SHISA6: variants seen among roughly 807,000 people sequenced by gnomAD.
The protein encoded by SHISA6 is protein shisa-6.
SHISA6 carries 22 observed loss-of-function variants against 47.9 expected under a neutral mutation model. The observed-to-expected ratio is 0.46, with a 90% confidence interval of 0.33 to 0.66. The LOEUF (loss-of-function observed/expected upper bound fraction) is 0.66. Ranked by LOEUF, SHISA6 falls within the 30% of genes least tolerant of loss-of-function variation. The pLI is 0.02. For missense variants in SHISA6, 680 were observed against 764.6 expected (o/e 0.89, Z 1.30); for synonymous variants, 388 against 337.8 (o/e 1.15, Z -1.63).
chr17:11,500,932 AC>A (rs2071447148), intron 3 of SHISA6, among the ~76,000 whole-genome samples: 1 of 151,994 alleles, frequency 6.6e-6, no homozygotes, highest in Non-Finnish European at 1.5e-5. Context: ...TGCATGTAGG[AC>A]CCCATTCAGT....
intron 2 of SHISA6, 41 bp downstream of exon 2, chr17:11,263,567 G>GGGC (rs1410012447): frequency 6.5e-7 from 1 of 1,549,370 alleles, no homozygotes; most frequent in East Asian, 2.4e-5. Flanking sequence ...GCTGAGGCTG[G>GGGC]TGAGAGGTTT....
rs186736266 is a variant in SHISA6 at position 11,522,122 on chromosome 17, C to T, written c.896-29774C>T. On this transcript the variant is annotated intron_variant, in intron 3 of 5. Transcript: ENST00000441885. ...CTGGGACTACAGGCACCCACCACCA[C>T]GCCCGGCTAATTTTTTGTATTTTTA... Among the ~76,000 whole-genome samples, 178 of 151,840 alleles carry T rather than the reference C, an allele frequency of 1.2e-3. 5 individuals are homozygous for T. Among genetic ancestry groups the T allele is most frequent in the African/African-American group, 3.9e-3 (162 of 41,416 alleles).
chr17:11,546,939 AG>A (rs1300635669), intron 3 of SHISA6, among the ~76,000 whole-genome samples: 2 of 152,172 alleles, frequency 1.3e-5, no homozygotes, highest in Non-Finnish European at 2.9e-5. Flanking sequence ...AAAAAAAAAA[AG>A]AAAAACAAAG....
intron 2 of SHISA6, among the ~76,000 whole-genome samples, chr17:11,362,676 A>T (rs1008315235): frequency 6.6e-6 from 1 of 152,236 alleles, no homozygotes. Flanking sequence ...CATGTGCCAT[A>T]TGAAGGTAAT....
chr17:11,337,199 G>A, intron 2 of SHISA6, among the ~76,000 whole-genome samples: 1 of 152,160 alleles, frequency 6.6e-6, no homozygotes, highest in East Asian at 1.9e-4. Context: ...AGGATCCAGG[G>A]GGCAGAAGTG....
intron 3 of SHISA6, among the ~76,000 whole-genome samples, chr17:11,412,593 G>C (rs1265668902): frequency 2.0e-5 from 3 of 151,420 alleles, no homozygotes; most frequent in Non-Finnish European, 4.4e-5. Context: ...TCAGGCTGGA[G>C]TGCAGTGGCG....
intron 3 of SHISA6, among the ~76,000 whole-genome samples, chr17:11,474,405 GTT>G (rs55978546): frequency 0.16 from 22,308 of 141,354 alleles, 1,865 homozygotes; most frequent in African/African-American, 0.23. Context: ...CTTTTTGATG[GTT>G]TTTTTTTTTT....
rs1242170789 is a variant in SHISA6 at position 11,555,912 on chromosome 17, A to G, written c.1105+20A>G. On this transcript the variant is annotated intron_variant, in intron 5 of 5. Coordinates refer to ENST00000441885, the MANE Select transcript of SHISA6 (RefSeq NM_207386.4). ...GGCTAAGTAAGTTGAATTTCCCCCA[A>G]GTTGGGGTCTGTCTCTGGGGCTCCA... 29 of 1,508,028 alleles carry G rather than the reference A, an allele frequency of 1.9e-5. No individual in the cohort carries two copies. Among genetic ancestry groups the G allele is most frequent in the Non-Finnish European group, 2.5e-5 (28 of 1,123,530 alleles). The allele number at this position is 1,508,028 out of a possible 1,614,324, so 93.4% of individuals were successfully genotyped here. A position where few individuals can be genotyped will look rare whatever the true frequency, so the allele number is the denominator to read the frequency against.
intron 2 of SHISA6, among the ~76,000 whole-genome samples, chr17:11,313,204 T>C (rs1405415650): frequency 1.3e-5 from 2 of 152,246 alleles, no homozygotes; most frequent in Non-Finnish European, 2.9e-5. Flanking sequence ...CACCTCTCTC[T>C]ATAACTTCAG....
intron 2 of SHISA6, among the ~76,000 whole-genome samples, chr17:11,363,582 CTTG>C (rs2142231665): frequency 6.6e-6 from 1 of 152,208 alleles, no homozygotes; most frequent in African/African-American, 2.4e-5. Flanking sequence ...TTGCCTTCCT[CTTG>C]TTGTTATAGT....
At chr17:11,300,055 G>T (rs1909868901) in intron 2 of SHISA6, among the ~76,000 whole-genome samples, 1 of 149,716 alleles carries the variant, frequency 6.7e-6, no homozygotes, top group African/African-American at 2.5e-5. Context: ...TGAGGCAGGA[G>T]AATCGCTTGA....
At chr17:11,428,031 T>G (rs549094211) in intron 3 of SHISA6, among the ~76,000 whole-genome samples, 1 of 152,206 alleles carries the variant, frequency 6.6e-6, no homozygotes, top group Non-Finnish European at 1.5e-5. Context: ...AGTCTGAGAT[T>G]AGTGACAGCT....
intron 2 of SHISA6, among the ~76,000 whole-genome samples, chr17:11,338,014 AG>A (rs1343819538): frequency 1.3e-5 from 2 of 152,206 alleles, no homozygotes; most frequent in Non-Finnish European, 2.9e-5. Context: ...TGTATCAATC[AG>A]GGGCCATTGC....
chr17:11,473,835 C>A (rs2908934), intron 3 of SHISA6, among the ~76,000 whole-genome samples: 67,380 of 151,622 alleles, frequency 0.44, 15,918 homozygotes, highest in African/African-American at 0.61. Context: ...TGGTTTGCTG[C>A]AACTATCAAC....
At chr17:11,367,801 AGTC>A (rs1255196244) in intron 2 of SHISA6, among the ~76,000 whole-genome samples, 1 of 152,216 alleles carries the variant, frequency 6.6e-6, no homozygotes, top group East Asian at 1.9e-4. Flanking sequence ...AGGGTATAAC[AGTC>A]TGCAAATGAA....
intron 3 of SHISA6, among the ~76,000 whole-genome samples, chr17:11,454,657 G>T (rs909060819): frequency 6.6e-6 from 1 of 152,200 alleles, no homozygotes; most frequent in African/African-American, 2.4e-5. Flanking sequence ...TGCTCCAGGC[G>T]TGTGGCTCCT....
At chr17:11,260,715 CTTGGGG>C (rs1276711891) in intron 1 of SHISA6, among the ~76,000 whole-genome samples, 2 of 151,932 alleles carry the variant, frequency 1.3e-5, no homozygotes, top group African/African-American at 4.8e-5. Context: ...CTCTCTCTTG[CTTGGGG>C]TTTCAGACCC....
At chr17:11,507,360 G>T (rs8068130) in intron 3 of SHISA6, among the ~76,000 whole-genome samples, 2,069 of 152,214 alleles carry the variant, frequency 0.014, 63 homozygotes, top group African/African-American at 0.047. Context: ...GTATGGAGCA[G>T]AGCACCTCCC....
intron 2 of SHISA6, among the ~76,000 whole-genome samples, chr17:11,369,522 A>G (rs969357302): frequency 6.6e-6 from 1 of 152,234 alleles, no homozygotes; most frequent in African/African-American, 2.4e-5. Flanking sequence ...AGAGGAAAGC[A>G]GGTCTCAGTT....
Sources: gnomAD v4.1 joint callset for allele counts (sites outside exome capture counted in the v4.1 genomes callset) on GRCh38, gnomAD v4.1.1 for gene constraint, MANE v1.5 for transcripts, NCBI Gene and HGNC (gene_info 2026-07-23, HGNC 2026-07-21) for gene names.